NCKAP5: variants seen among roughly 807,000 people sequenced by gnomAD.
NCKAP5 encodes NCK associated protein 5.
In NCKAP5, 92 loss-of-function variants were observed where a neutral mutation model predicts 167.0. That is an observed-to-expected ratio of 0.55 (90% CI 0.47 to 0.66). The LOEUF is 0.66. NCKAP5 is among the 30% of genes least tolerant of loss of function. The pLI is 0.00. For synonymous variants in NCKAP5, 891 were observed against 877.4 expected (o/e 1.02, Z -0.27); for missense variants, 2,378 against 2,315.0 (o/e 1.03, Z -0.56).
At chr2:133,213,433 G>C (rs2086292038) in intron 5 of NCKAP5, among the ~76,000 whole-genome samples, 1 of 152,228 alleles carries the variant, frequency 6.6e-6, no homozygotes, top group Non-Finnish European at 1.5e-5. Context: ...TGTGGACATT[G>C]TGCCCACTGC....
At chr2:133,186,380 C>T (rs934595281) in intron 5 of NCKAP5, among the ~76,000 whole-genome samples, 1 of 151,974 alleles carries the variant, frequency 6.6e-6, no homozygotes, top group Non-Finnish European at 1.5e-5. Flanking sequence ...AGGATTTTTG[C>T]ATCTATGTTC....
chr2:133,191,648 C>T (rs1471867731), intron 5 of NCKAP5, among the ~76,000 whole-genome samples: 1 of 152,128 alleles, frequency 6.6e-6, no homozygotes, highest in Non-Finnish European at 1.5e-5. Context: ...AACCATCATT[C>T]TGAGCAAACT....
chr2:133,129,486 A>G (rs1487394041), intron 6 of NCKAP5, among the ~76,000 whole-genome samples: 2 of 152,218 alleles, frequency 1.3e-5, no homozygotes, highest in African/African-American at 4.8e-5. Context: ...TTCTTAATCC[A>G]GTTTATCGTT....
chr2:133,550,889 C>CT lies in NCKAP5; in HGVS notation c.-62+8160dup, dbSNP rs1172572285. Among the ~76,000 whole-genome samples the CT allele has an allele frequency of 5.8e-3, 860 of 149,478 alleles. 5 individuals carry two copies. The highest frequency in any genetic ancestry group is 0.02 in the African/African-American group (800 of 40,634). Reference sequence around the variant, plus strand: ...AAAATCTCCTTAAGCTGATAAGCAACTTCAGCAAAGTCTCAGGATACAAAA... The same window carrying CT: ...AAAATCTCCTTAAGCTGATAAGCAACTTTCAGCAAAGTCTCAGGATACAAAA... On this transcript the variant is annotated intron_variant, in intron 2 of 19. Transcript: ENST00000409261.
At chr2:133,231,722 T>C (rs1290992786) in intron 4 of NCKAP5, among the ~76,000 whole-genome samples, 3 of 152,212 alleles carry the variant, frequency 2.0e-5, no homozygotes, top group Non-Finnish European at 4.4e-5. Context: ...TGACTGCTTT[T>C]CACTGTTAAC....
At chr2:132,730,725 A>C (rs1690916544) in intron 17 of NCKAP5, among the ~76,000 whole-genome samples, 1 of 152,214 alleles carries the variant, frequency 6.6e-6, no homozygotes, top group African/African-American at 2.4e-5. Context: ...CCTATAACTA[A>C]GATTTCGCCC....
chr2:133,321,435 C>A (rs192506057), intron 3 of NCKAP5, among the ~76,000 whole-genome samples: 8,187 of 152,258 alleles, frequency 0.054, 279 homozygotes, highest in South Asian at 0.1. Context: ...GTTGTCTTTA[C>A]ACATAGGATC....
intron 2 of NCKAP5, among the ~76,000 whole-genome samples, chr2:133,546,802 C>G (rs573566917): frequency 3.7e-4 from 56 of 152,314 alleles, no homozygotes; most frequent in South Asian, 2.1e-3. Context: ...ATTCTGCTAA[C>G]CTGGAATGCT....
At chr2:133,141,700 A>C (rs374066335) in intron 5 of NCKAP5, among the ~76,000 whole-genome samples, 22 of 152,204 alleles carry the variant, frequency 1.4e-4, no homozygotes, top group African/African-American at 5.1e-4. Context: ...GAATGCCTTC[A>C]CACTTCCCGT....
At chr2:133,111,604 C>T in intron 6 of NCKAP5, among the ~76,000 whole-genome samples, 1 of 152,202 alleles carries the variant, frequency 6.6e-6, no homozygotes, top group South Asian at 2.1e-4. Flanking sequence ...ATGACCATCA[C>T]CTCTCTCATA....
At chr2:133,469,855 G>T (rs1378507729) in intron 3 of NCKAP5, among the ~76,000 whole-genome samples, 2 of 151,000 alleles carry the variant, frequency 1.3e-5, no homozygotes, top group Non-Finnish European at 2.9e-5. Flanking sequence ...TTGGTTTTCA[G>T]CTCCATCAGC....
At chr2:133,234,768 T>G (rs949162554) in intron 4 of NCKAP5, among the ~76,000 whole-genome samples, 1 of 151,932 alleles carries the variant, frequency 6.6e-6, no homozygotes, top group Non-Finnish European at 1.5e-5. Flanking sequence ...ACTTTTAAAA[T>G]AGTTACCTAA....
chr2:133,461,138 G>A (rs1559500424), intron 3 of NCKAP5, among the ~76,000 whole-genome samples: 1 of 152,050 alleles, frequency 6.6e-6, no homozygotes, highest in Non-Finnish European at 1.5e-5. Context: ...GAGAGGGGCG[G>A]GAAATGACAG....
intron 7 of NCKAP5, among the ~76,000 whole-genome samples, chr2:132,969,137 A>G (rs1273539560): frequency 6.6e-6 from 1 of 152,124 alleles, no homozygotes; most frequent in African/African-American, 2.4e-5. Context: ...TCCTGGGTAC[A>G]GGCGATTCTC....
intron 5 of NCKAP5, among the ~76,000 whole-genome samples, chr2:133,150,224 T>C (rs959535414): frequency 1.3e-5 from 2 of 152,202 alleles, no homozygotes; most frequent in African/African-American, 4.8e-5. Flanking sequence ...CATGATGAAA[T>C]CATGCACATT....
upstream of NCKAP5, among the ~76,000 whole-genome samples, chr2:133,573,373 T>G (rs530301668): frequency 1.4e-4 from 22 of 152,328 alleles, no homozygotes; most frequent in South Asian, 4.3e-3. Flanking sequence ...AATCTGTCTG[T>G]TTGGTTGTTG....
At chr2:133,554,900 G>A (rs1221676891) in intron 2 of NCKAP5, among the ~76,000 whole-genome samples, 2 of 152,074 alleles carry the variant, frequency 1.3e-5, no homozygotes. Context: ...AGGTGTGGAG[G>A]AGATGAGAGC....
intron 6 of NCKAP5, chr2:133,117,298 C>G (rs547951987): frequency 6.6e-6 from 1 of 152,168 alleles, no homozygotes; most frequent in African/African-American, 2.4e-5. Flanking sequence ...TCGAATCTCA[C>G]GTATTTCATG....
At chr2:132,746,178 G>A (rs1679627120) in intron 16 of NCKAP5, among the ~76,000 whole-genome samples, 1 of 152,048 alleles carries the variant, frequency 6.6e-6, no homozygotes, top group South Asian at 2.1e-4. Flanking sequence ...CGTTCATTAA[G>A]AGAGTGTGGT....
Sources: allele counts gnomAD v4.1 joint callset (sites outside exome capture counted in the v4.1 genomes callset), GRCh38; gene constraint gnomAD v4.1.1; transcripts MANE v1.5; gene names NCBI Gene and HGNC (gene_info 2026-07-23, HGNC 2026-07-21).